The following TENM4 variants were observed in gnomAD, a reference collection of about 807,000 sequenced individuals.
TENM4 encodes the protein teneurin-4.
Under a neutral mutation model 243.3 loss-of-function variants are expected in TENM4, and 82 were observed. The ratio of observed to expected loss-of-function variants is 0.34; its 90% CI spans 0.28 to 0.40. TENM4 has a LOEUF of 0.40. Among genes scored for constraint, TENM4 ranks in the 10% least tolerant of loss-of-function variants. The pLI is 1.00. For synonymous variants in TENM4, 1,412 were observed against 1,456.3 expected (o/e 0.97, Z 0.69); for missense variants, 3,138 against 3,673.3 (o/e 0.85, Z 3.77).
chr11:78,995,358 A>G (rs35137205), intron 6 of TENM4, among the ~76,000 whole-genome samples: 3,353 of 152,202 alleles, frequency 0.022, 137 homozygotes, highest in African/African-American at 0.076. Flanking sequence ...AAAGCTTTGA[A>G]GCAGAGGAGT....
chr11:78,862,811 C>T, intron 10 of TENM4, 151 bp downstream of exon 10: 1 of 823,668 alleles, frequency 1.2e-6, no homozygotes, highest in Non-Finnish European at 1.7e-6. Flanking sequence ...GGACTGGCAG[C>T]TTGACAGCTG....
intron 6 of TENM4, among the ~76,000 whole-genome samples, chr11:78,940,985 C>G (rs543934718): frequency 6.6e-6 from 1 of 152,304 alleles, no homozygotes; most frequent in Non-Finnish European, 1.5e-5. Flanking sequence ...ACCAAAAGAA[C>G]CTGACAAATT....
intron 1 of TENM4, among the ~76,000 whole-genome samples, chr11:79,359,766 A>T (rs1440443684): frequency 6.6e-6 from 1 of 152,138 alleles, no homozygotes; most frequent in Non-Finnish European, 1.5e-5. Context: ...CATCTTGTTG[A>T]TCAGAGGCCT....
chr11:78,857,152 G>T (rs1417682648), intron 10 of TENM4, among the ~76,000 whole-genome samples: 2 of 152,142 alleles, frequency 1.3e-5, no homozygotes, highest in Non-Finnish European at 2.9e-5. Flanking sequence ...AGAGACTCTA[G>T]GGATGTTAGG....
intron 3 of TENM4, among the ~76,000 whole-genome samples, chr11:79,211,150 C>T (rs549895416): frequency 6.6e-6 from 1 of 152,270 alleles, no homozygotes; most frequent in South Asian, 2.1e-4. Context: ...AAGGCAGTTA[C>T]ACCAACTTGA....
chr11:79,320,075 G>A (rs370981735), intron 1 of TENM4, among the ~76,000 whole-genome samples: 2 of 152,282 alleles, frequency 1.3e-5, no homozygotes, highest in African/African-American at 4.8e-5. Context: ...AGCATGGAGA[G>A]CCCAGAGCGC....
chr11:79,180,191 GA>G (rs920396353), intron 3 of TENM4, among the ~76,000 whole-genome samples: 2 of 151,536 alleles, frequency 1.3e-5, no homozygotes, highest in African/African-American at 4.8e-5. Flanking sequence ...AAAAAGGAAA[GA>G]AAAAAACCCA....
At chr11:78,801,925 T>C (rs1857289082) in intron 15 of TENM4, among the ~76,000 whole-genome samples, 1 of 152,210 alleles carries the variant, frequency 6.6e-6, no homozygotes, top group South Asian at 2.1e-4. Flanking sequence ...CTACAAGAAC[T>C]ACTTTGCCCA....
intron 1 of TENM4, among the ~76,000 whole-genome samples, chr11:79,404,644 ACAAT>A (rs916697896): frequency 1.3e-4 from 20 of 152,294 alleles, no homozygotes; most frequent in Middle Eastern, 3.4e-3. Context: ...TTAGAAAAAG[ACAAT>A]AAAAAGAATG....
intron 4 of TENM4, among the ~76,000 whole-genome samples, chr11:79,114,682 G>A (rs1861581590): frequency 6.6e-6 from 1 of 152,110 alleles, no homozygotes; most frequent in African/African-American, 2.4e-5. Flanking sequence ...TTGAACAAGG[G>A]GCTCCACATT....
chr11:79,139,756 A>ATT (rs1402655754), intron 4 of TENM4, among the ~76,000 whole-genome samples: 1 of 34,298 alleles, frequency 2.9e-5, no homozygotes, highest in Non-Finnish European at 7.5e-5. Context: ...TATAATATAT[A>ATT]TTATATTTAT....
intron 3 of TENM4, among the ~76,000 whole-genome samples, chr11:79,196,332 C>T (rs1863626539): frequency 1.3e-5 from 2 of 151,576 alleles, no homozygotes; most frequent in Admixed American, 6.6e-5. Flanking sequence ...GAGAAGTCAC[C>T]GTGTGTCTCT....
At chr11:78,708,127 G>A (rs961834412) in intron 27 of TENM4, among the ~76,000 whole-genome samples, 1 of 152,198 alleles carries the variant, frequency 6.6e-6, no homozygotes, top group African/African-American at 2.4e-5. Context: ...GTTTCCTTAG[G>A]GAGATTTCTT....
intron 6 of TENM4, among the ~76,000 whole-genome samples, chr11:79,020,916 T>C (rs994769861): frequency 3.9e-5 from 6 of 152,202 alleles, no homozygotes; most frequent in African/African-American, 1.4e-4. Flanking sequence ...AACACATGCC[T>C]TACTCTTTGG....
chr11:78,822,276 T>A (rs1253268502), intron 12 of TENM4, among the ~76,000 whole-genome samples: 1 of 152,228 alleles, frequency 6.6e-6, no homozygotes, highest in Non-Finnish European at 1.5e-5. Flanking sequence ...CATCCACTTG[T>A]TAAGTGACAC....
At chr11:79,073,235 G>T (rs1860461750) in intron 4 of TENM4, among the ~76,000 whole-genome samples, 1 of 152,268 alleles carries the variant, frequency 6.6e-6, no homozygotes, top group South Asian at 2.1e-4. Flanking sequence ...GTCAATTCTG[G>T]CTTCCTGGTC....
chr11:79,128,972 G>A (rs1389268384), intron 4 of TENM4, among the ~76,000 whole-genome samples: 2 of 152,194 alleles, frequency 1.3e-5, no homozygotes, highest in African/African-American at 2.4e-5. Flanking sequence ...GCAATCCTGA[G>A]AGGATCCACA....
At chr11:79,247,596 A>G (rs1310179710) in intron 2 of TENM4, among the ~76,000 whole-genome samples, 1 of 152,042 alleles carries the variant, frequency 6.6e-6, no homozygotes, top group African/African-American at 2.4e-5. Context: ...CATTATCCCT[A>G]TTCCTCACAA....
intron 30 of TENM4, among the ~76,000 whole-genome samples, chr11:78,673,403 C>A (rs994042033): frequency 3.3e-5 from 5 of 152,028 alleles, no homozygotes; most frequent in African/African-American, 1.2e-4. Context: ...TTAAGGTTGA[C>A]AAGTAATACA....
Sources: allele counts gnomAD v4.1 joint callset (sites outside exome capture counted in the v4.1 genomes callset), GRCh38; gene constraint gnomAD v4.1.1; transcripts MANE v1.5; gene names NCBI Gene and HGNC (gene_info 2026-07-23, HGNC 2026-07-21).